RGS6: variants seen among roughly 807,000 people sequenced by gnomAD.
RGS6 encodes regulator of G protein signaling 6.
Under a neutral mutation model 78.5 loss-of-function variants are expected in RGS6, and 30 were observed. The observed-to-expected ratio is 0.38, with a 90% confidence interval of 0.29 to 0.52. The LOEUF is 0.52. Among genes scored for constraint, RGS6 ranks in the 20% least tolerant of loss-of-function variants. The pLI, the probability that RGS6 is intolerant of heterozygous loss-of-function variation, is 0.85. For synonymous variants in RGS6, 206 were observed against 206.0 expected, an observed-to-expected ratio of 1.00 and a Z score of 0.00; for missense variants, 495 against 609.7, an observed-to-expected ratio of 0.81 and a Z score of 1.98.
intron 3 of RGS6, among the ~76,000 whole-genome samples, chr14:72,363,472 T>G (rs1443810932): frequency 6.6e-6 from 1 of 152,110 alleles, no homozygotes; most frequent in African/African-American, 2.4e-5. Context: ...AATTCAAGAG[T>G]AACTTTTCCA....
At chr14:71,934,880 C>T (rs1163821892) in intron 1 of RGS6, among the ~76,000 whole-genome samples, 6 of 152,058 alleles carry the variant, frequency 3.9e-5, no homozygotes, top group Non-Finnish European at 1.5e-5. Flanking sequence ...CATTCTGTTT[C>T]GTGCCAGGGG....
At chr14:71,941,291 G>A (rs182199986) in intron 1 of RGS6, among the ~76,000 whole-genome samples, 154 of 152,228 alleles carry the variant, frequency 1.0e-3, no homozygotes, top group African/African-American at 3.5e-3. Context: ...TTTCTGCCAA[G>A]GACTATCAGT....
chr14:72,549,756 G>A (rs2097473937), intron 17 of RGS6, among the ~76,000 whole-genome samples: 1 of 152,200 alleles, frequency 6.6e-6, no homozygotes, highest in Non-Finnish European at 1.5e-5. Flanking sequence ...CAGCTACTCG[G>A]GAGGCTGAGG....
chr14:72,294,784 G>C (rs847336), intron 2 of RGS6, among the ~76,000 whole-genome samples: 73,779 of 151,788 alleles, frequency 0.49, 18,157 homozygotes, highest in South Asian at 0.57. Flanking sequence ...CAGCACCAAA[G>C]GGGTGGTGCT....
chr14:71,989,335 A>G (rs1389625118), intron 2 of RGS6, among the ~76,000 whole-genome samples: 1 of 152,254 alleles, frequency 6.6e-6, no homozygotes, highest in Non-Finnish European at 1.5e-5. Flanking sequence ...AAGGAACAAG[A>G]CAACCACCTG....
intron 2 of RGS6, among the ~76,000 whole-genome samples, chr14:72,177,968 CTT>C (rs2097128316): frequency 6.6e-6 from 1 of 152,190 alleles, no homozygotes; most frequent in African/African-American, 2.4e-5. Flanking sequence ...GGCTGAGCCT[CTT>C]TTCTTCCTCC....
chr14:72,379,389 T>C (rs1354581710), intron 3 of RGS6, among the ~76,000 whole-genome samples: 2 of 152,080 alleles, frequency 1.3e-5, no homozygotes, highest in Non-Finnish European at 2.9e-5. Flanking sequence ...GGAAATCAAA[T>C]TGTCTCTGTT....
the RGS6 span, among the ~76,000 whole-genome samples, chr14:71,884,741 G>A: frequency 6.6e-6 from 1 of 152,044 alleles, no homozygotes; most frequent in African/African-American, 2.4e-5. Flanking sequence ...ACCTTTGCAT[G>A]CCCATTTGTC....
At chr14:72,296,426 A>G (rs150700666) in intron 2 of RGS6, among the ~76,000 whole-genome samples, 43 of 152,338 alleles carry the variant, frequency 2.8e-4, no homozygotes, top group South Asian at 2.5e-3. Flanking sequence ...AGTTTTCACA[A>G]TTATCCATTT....
chr14:71,932,300 G>C (rs981694170), upstream of RGS6: 1 of 151,606 alleles, frequency 6.6e-6, no homozygotes, highest in African/African-American at 2.4e-5. Flanking sequence ...GCCCCTCCCT[G>C]CAGCACGCGG....
At chr14:72,147,859 C>T (rs1272111927) in intron 2 of RGS6, among the ~76,000 whole-genome samples, 3 of 152,124 alleles carry the variant, frequency 2.0e-5, no homozygotes, top group Non-Finnish European at 2.9e-5. Context: ...AGTCTGGGTG[C>T]AGTGGCTCAT....
At chr14:72,427,902 G>A (rs963818103) in intron 3 of RGS6, among the ~76,000 whole-genome samples, 2 of 152,122 alleles carry the variant, frequency 1.3e-5, no homozygotes, top group African/African-American at 4.8e-5. Flanking sequence ...TTTTACATGA[G>A]AGAAAGGAGG....
chr14:72,120,366 T>C (rs1374198568), intron 2 of RGS6, among the ~76,000 whole-genome samples: 1 of 152,226 alleles, frequency 6.6e-6, no homozygotes. Flanking sequence ...GGAATCATGA[T>C]GGGAAGAGTC....
intron 1 of RGS6, 52 bp from the exon 2 acceptor site, chr14:71,964,720 C>T (rs1193719263): frequency 1.6e-6 from 2 of 1,272,656 alleles, no homozygotes; most frequent in Admixed American, 2.1e-5. Flanking sequence ...TTTCAAAGCC[C>T]TCTTTATATA....
intron 3 of RGS6, among the ~76,000 whole-genome samples, chr14:72,434,766 T>C (rs1031643449): frequency 1.3e-5 from 2 of 152,236 alleles, no homozygotes; most frequent in African/African-American, 4.8e-5. Flanking sequence ...TAAATTCATA[T>C]GTTTATTTAC....
At chr14:71,892,535 T>A in the RGS6 span, among the ~76,000 whole-genome samples, 9 of 152,310 alleles carry the variant, frequency 5.9e-5, no homozygotes, top group Non-Finnish European at 1.0e-4. Context: ...ATGCAAGAGT[T>A]GTTTTGTCTC....
At chr14:72,414,562 C>T (rs991247106) in intron 3 of RGS6, among the ~76,000 whole-genome samples, 35 of 152,334 alleles carry the variant, frequency 2.3e-4, no homozygotes, top group South Asian at 2.1e-4. Flanking sequence ...TCTCTCAACT[C>T]GTCAAAGTCA....
intron 12 of RGS6, among the ~76,000 whole-genome samples, chr14:72,484,031 G>A (rs1386942698): frequency 3.3e-5 from 5 of 150,300 alleles, no homozygotes; most frequent in Non-Finnish European, 5.9e-5. Flanking sequence ...TTTCCTCTCC[G>A]CAGTGCTGCT....
At chr14:72,078,051 C>T (rs1299312068) in intron 2 of RGS6, among the ~76,000 whole-genome samples, 1 of 152,158 alleles carries the variant, frequency 6.6e-6, no homozygotes, top group East Asian at 1.9e-4. Context: ...CACCAAATCT[C>T]ATGTCCGATC....
Sources: allele counts gnomAD v4.1 joint callset (sites outside exome capture counted in the v4.1 genomes callset), GRCh38; gene constraint gnomAD v4.1.1; transcripts MANE v1.5; gene names NCBI Gene and HGNC (gene_info 2026-07-23, HGNC 2026-07-21).